Variants in CBL observed in about 807,000 individuals in gnomAD.
CBL encodes the protein Cbl proto-oncogene.
In CBL, 45 loss-of-function variants were observed where a neutral mutation model predicts 96.9. The observed-to-expected ratio is 0.46, with a 90% CI of 0.37 to 0.60. CBL has a LOEUF of 0.60. Among genes scored for constraint, CBL ranks in the 20% least tolerant of loss-of-function variants. CBL has a pLI of 0.00. For synonymous variants in CBL, 420 were observed against 426.8 expected (o/e 0.98, Z 0.20); for missense variants, 1,024 against 1,143.5 (o/e 0.90, Z 1.51).
At chr11:119,250,587 A>G (rs568281352) in intron 2 of CBL, among the ~76,000 whole-genome samples, 1 of 152,326 alleles carries the variant, frequency 6.6e-6, no homozygotes, top group African/African-American at 2.4e-5. Flanking sequence ...AGTTAGATCA[A>G]TCACAGGGCT....
At chr11:119,298,974 G>A (rs1950081717) in intron 15 of CBL, among the ~76,000 whole-genome samples, 1 of 152,164 alleles carries the variant, frequency 6.6e-6, no homozygotes, top group Non-Finnish European at 1.5e-5. Context: ...TTGCACCTGT[G>A]GCTGCCTGGT....
At chr11:119,264,446 TC>T (rs1210171932) in intron 2 of CBL, among the ~76,000 whole-genome samples, 2,009 of 128,888 alleles carry the variant, frequency 0.016, 40 homozygotes, top group African/African-American at 0.066. Flanking sequence ...CTCTTCTTTC[TC>T]TTCTCTTCTC....
intron 2 of CBL, among the ~76,000 whole-genome samples, chr11:119,238,433 C>T (rs2135270556): frequency 6.6e-6 from 1 of 151,646 alleles, no homozygotes; most frequent in Admixed American, 6.6e-5. Context: ...TGGTCTCGAA[C>T]TCCTGGCCTC....
intron 2 of CBL, among the ~76,000 whole-genome samples, chr11:119,248,792 A>G (rs1475268247): frequency 6.6e-6 from 1 of 152,188 alleles, no homozygotes; most frequent in East Asian, 1.9e-4. Flanking sequence ...ACAACAACAA[A>G]ACAAACCAAT....
chr11:119,264,555 T>C (rs984875042), intron 2 of CBL, among the ~76,000 whole-genome samples: 4 of 151,946 alleles, frequency 2.6e-5, no homozygotes, highest in Non-Finnish European at 4.4e-5. Context: ...TGATCTCTGC[T>C]GACTGTACCT....
chr11:119,276,235 A>G (rs1027082852), intron 6 of CBL, 101 bp downstream of exon 6: 5 of 1,186,630 alleles, frequency 4.2e-6, no homozygotes, highest in Non-Finnish European at 6.3e-6. Flanking sequence ...ACTGCAGACT[A>G]AGATTCAGGA....
intron 2 of CBL, among the ~76,000 whole-genome samples, chr11:119,260,795 G>A (rs1375021193): frequency 2.0e-5 from 3 of 151,770 alleles, no homozygotes; most frequent in Non-Finnish European, 4.4e-5. Context: ...CTCTGCTTTC[G>A]CAGTTTCTTC....
rs202120613 is a variant in CBL, at chr11:119,206,392, G to A, written c.-26G>A. 2 of 1,499,678 alleles carry A rather than the reference G, an allele frequency of 1.3e-6. No homozygotes were observed. The highest frequency in any genetic ancestry group is 2.1e-5 in the Admixed American group (1 of 47,030). The allele number at this position is 1,499,678 out of a possible 1,614,324, so 92.9% of individuals were successfully genotyped here. A position where few individuals can be genotyped will look rare whatever the true frequency, so the allele number is the denominator to read the frequency against. On this transcript the variant is annotated 5_prime_UTR_variant, in exon 1 of 16. Transcript: ENST00000264033. Reference sequence around the variant, plus strand: ...GCAGTCGAGCCGAGCCGGCGGACCCGCCTGGGCTCCGACCCTGCCCAGGCC... The same window carrying A: ...GCAGTCGAGCCGAGCCGGCGGACCCACCTGGGCTCCGACCCTGCCCAGGCC...
chr11:119,218,282 G>T lies in CBL; in HGVS notation c.195+11670G>T, dbSNP rs1486834833. Among the ~76,000 whole-genome samples, 4 of 152,056 alleles carry T rather than the reference G, an allele frequency of 2.6e-5. No individual in the cohort carries two copies. In the East Asian group the frequency reaches 7.7e-4, roughly 29 times the overall value. On this transcript the variant is annotated intron_variant, in intron 1 of 15. Coordinates refer to ENST00000264033, the MANE Select transcript of CBL (RefSeq NM_005188.4). Reference sequence around the variant, plus strand: ...AACCCTCTATGCTATAGAGTCACTGGGGCTCATGAGGCAAACCATTAATCT... The same window carrying T: ...AACCCTCTATGCTATAGAGTCACTGTGGCTCATGAGGCAAACCATTAATCT...
intron 1 of CBL, among the ~76,000 whole-genome samples, chr11:119,230,655 C>T (rs1277717122): frequency 1.3e-5 from 2 of 152,070 alleles, no homozygotes; most frequent in Non-Finnish European, 2.9e-5. Context: ...TGTAAGGGAT[C>T]TAGTTTTATT....
chr11:119,274,195 T>G (rs528343619), intron 4 of CBL, among the ~76,000 whole-genome samples, 171 bp downstream of exon 4: 2 of 151,902 alleles, frequency 1.3e-5, no homozygotes, highest in Non-Finnish European at 2.9e-5. Context: ...ATTAAAAATA[T>G]ATGTATGTGT....
intron 2 of CBL, among the ~76,000 whole-genome samples, chr11:119,265,500 T>C (rs2135291380): frequency 1.3e-5 from 2 of 152,262 alleles, no homozygotes; most frequent in East Asian, 3.9e-4. Context: ...AGACAGAAAA[T>C]ATACGTTAAA....
intron 2 of CBL, among the ~76,000 whole-genome samples, chr11:119,265,154 T>C (rs1482774645): frequency 2.0e-5 from 3 of 152,332 alleles, no homozygotes; most frequent in African/African-American, 4.8e-5. Context: ...GAGCTAGGAT[T>C]ACAAGTGTGA....
At chr11:119,257,050 T>A (rs1010196797) in intron 2 of CBL, among the ~76,000 whole-genome samples, 40 of 152,248 alleles carry the variant, frequency 2.6e-4, no homozygotes, top group African/African-American at 9.2e-4. Context: ...GCAGGTCCTT[T>A]TCATACAGTG....
intron 2 of CBL, among the ~76,000 whole-genome samples, chr11:119,251,444 A>G (rs1184054899): frequency 2.6e-5 from 4 of 152,242 alleles, no homozygotes; most frequent in African/African-American, 9.6e-5. Context: ...TTTTGTTTGA[A>G]TGTAAAGGAA....
intron 6 of CBL, among the ~76,000 whole-genome samples, chr11:119,277,241 G>A (rs2510151): frequency 0.53 from 78,236 of 146,248 alleles, 21,421 homozygotes; most frequent in East Asian, 0.82. Flanking sequence ...AATCTGTCGC[G>A]CACACACACA....
At chr11:119,294,586 A>G (rs897285992) in intron 12 of CBL, among the ~76,000 whole-genome samples, 5 of 151,844 alleles carry the variant, frequency 3.3e-5, no homozygotes, top group Non-Finnish European at 7.4e-5. Context: ...TGAGGTCAAG[A>G]TCGAGACCAT....
chr11:119,301,832 T>A lies in CBL; in HGVS notation c.*2051T>A, dbSNP rs1355368918. ...AACTTCTAACAGCCAGTACACACACTGTTTCATTTTGAGGTAACGTTCAGT... is the reference window on the plus strand; with the variant it reads ...AACTTCTAACAGCCAGTACACACACAGTTTCATTTTGAGGTAACGTTCAGT... On this transcript the variant is annotated 3_prime_UTR_variant, in exon 16 of 16. Transcript: ENST00000264033. 1 of 233,138 alleles carries A rather than the reference T, an allele frequency of 4.3e-6. No homozygotes were observed. Among genetic ancestry groups the A allele is most frequent in the Non-Finnish European group, 8.5e-6 (1 of 118,066 alleles). The allele number at this position is 233,138 out of a possible 1,614,324, so 14.4% of individuals were successfully genotyped here.
intron 2 of CBL, among the ~76,000 whole-genome samples, chr11:119,249,662 CTTTCTT>C (rs1341173689): frequency 6.8e-6 from 1 of 147,528 alleles, no homozygotes; most frequent in Non-Finnish European, 1.5e-5. Flanking sequence ...TTCTTTCTTT[CTTTCTT>C]TTTTTTTTTT....
Sources: allele counts gnomAD v4.1 joint callset (sites outside exome capture counted in the v4.1 genomes callset), GRCh38; gene constraint gnomAD v4.1.1; transcripts MANE v1.5; gene names NCBI Gene and HGNC (gene_info 2026-07-23, HGNC 2026-07-21).